The following RBMS3 variants were observed in gnomAD, a reference collection of about 807,000 sequenced individuals.
RBMS3 encodes the protein RNA-binding motif, single-stranded-interacting protein 3.
RBMS3 carries 27 observed loss-of-function variants against 66.8 expected under a neutral mutation model. The observed-to-expected ratio is 0.40, with a 90% CI of 0.30 to 0.56. The LOEUF is 0.56. RBMS3 is among the 20% of genes least tolerant of loss of function. The pLI is 0.40. For missense variants in RBMS3, 513 were observed against 549.5 expected (o/e 0.93, Z 0.66); for synonymous variants, 188 against 183.0 (o/e 1.03, Z -0.22).
intron 10 of RBMS3, among the ~76,000 whole-genome samples, chr3:29,900,841 C>T (rs572473254): frequency 2.0e-5 from 3 of 151,588 alleles, no homozygotes; most frequent in Non-Finnish European, 4.4e-5. Context: ...AATTTTAACC[C>T]CTTTAGAAGA....
At chr3:29,844,474 C>T (rs966744579) in intron 6 of RBMS3, among the ~76,000 whole-genome samples, 1 of 152,182 alleles carries the variant, frequency 6.6e-6, no homozygotes, top group African/African-American at 2.4e-5. Flanking sequence ...AATTTGGTCA[C>T]ATTTCCTGAT....
At chr3:29,470,244 A>G (rs191485382) in intron 2 of RBMS3, among the ~76,000 whole-genome samples, 10 of 152,066 alleles carry the variant, frequency 6.6e-5, no homozygotes, top group Admixed American at 5.9e-4. Flanking sequence ...CTGTTTTAAA[A>G]TTGCAATTTG....
At chr3:29,582,149 T>TATAGATAG (rs3836342) in intron 3 of RBMS3, among the ~76,000 whole-genome samples, 20,794 of 144,594 alleles carry the variant, frequency 0.14, 1,476 homozygotes, top group Middle Eastern at 0.16. Context: ...AGAATTCCAT[T>TATAGATAG]ATAGATAGAT....
chr3:29,669,286 G>A (rs1047822132), intron 4 of RBMS3, among the ~76,000 whole-genome samples: 2 of 152,076 alleles, frequency 1.3e-5, no homozygotes, highest in Admixed American at 6.6e-5. Flanking sequence ...TAAATCACAT[G>A]TCCTGAATCC....
intron 3 of RBMS3, among the ~76,000 whole-genome samples, chr3:29,509,698 C>T (rs752336233): frequency 6.6e-6 from 1 of 152,188 alleles, no homozygotes; most frequent in Non-Finnish European, 1.5e-5. Context: ...TCCTCTATAT[C>T]CCTTAATACA....
chr3:29,310,528 AT>A (rs2034308974), intron 1 of RBMS3, among the ~76,000 whole-genome samples: 1 of 150,668 alleles, frequency 6.6e-6, no homozygotes, highest in African/African-American at 2.4e-5. Flanking sequence ...TGAAGTTTTG[AT>A]TTTTAGTGAA....
chr3:29,703,913 C>A (rs1390544593), intron 4 of RBMS3, among the ~76,000 whole-genome samples: 1 of 152,282 alleles, frequency 6.6e-6, no homozygotes, highest in Non-Finnish European at 1.5e-5. Context: ...ATCGCCTGCA[C>A]TCCCTCCTGT....
intron 6 of RBMS3, among the ~76,000 whole-genome samples, chr3:29,769,780 A>C (rs1203300832): frequency 1.3e-5 from 2 of 151,918 alleles, no homozygotes; most frequent in Non-Finnish European, 2.9e-5. Context: ...TTTGCTTTTA[A>C]TGAACTTTCT....
intron 6 of RBMS3, among the ~76,000 whole-genome samples, chr3:29,782,663 T>A (rs202035826): frequency 6.6e-6 from 1 of 152,210 alleles, no homozygotes; most frequent in East Asian, 1.9e-4. Flanking sequence ...TCACCAGCAA[T>A]GAATCCAAAA....
chr3:29,382,484 T>A (rs745768259), intron 1 of RBMS3, among the ~76,000 whole-genome samples: 2 of 152,212 alleles, frequency 1.3e-5, no homozygotes, highest in African/African-American at 2.4e-5. Context: ...GTATTTAAAT[T>A]GCCTCACTTA....
chr3:29,922,258 C>T (rs1473548394), intron 10 of RBMS3, among the ~76,000 whole-genome samples: 1 of 151,768 alleles, frequency 6.6e-6, no homozygotes, highest in Non-Finnish European at 1.5e-5. Context: ...GAGGCCGAGG[C>T]GGGTGGATCA....
chr3:29,451,446 A>G (rs2042015372), intron 2 of RBMS3, among the ~76,000 whole-genome samples: 1 of 152,210 alleles, frequency 6.6e-6, no homozygotes, highest in Non-Finnish European at 1.5e-5. Flanking sequence ...TGGGGACATC[A>G]GGAAATGGTC....
At position 29,745,701 on chromosome 3, in the gene RBMS3, G is replaced by A. The variant is rs114755389; in HGVS notation, c.557+5824G>A. 6.9e-3 allele frequency among the ~76,000 whole-genome samples: 1,055 copies of A among 152,210 alleles called. 7 individuals are homozygous for A. The highest frequency in any genetic ancestry group is 0.024 in the African/African-American group (988 of 41,534). The stretch of plus-strand genomic sequence containing the variant: ...TTACTATCCCCTGGTGAGCTAAAGA[G>A]CGTGAGAGACCACTGAACAGAGAGA... On this transcript the variant is annotated intron_variant, in intron 5 of 14. Coordinates refer to ENST00000383767, the MANE Select transcript of RBMS3 (RefSeq NM_001003793.3).
At chr3:29,530,755 C>T (rs927227381) in intron 3 of RBMS3, among the ~76,000 whole-genome samples, 6 of 151,398 alleles carry the variant, frequency 4.0e-5, no homozygotes, top group Non-Finnish European at 8.8e-5. Flanking sequence ...GCCTGTAATC[C>T]CAGCTACTCG....
At chr3:29,434,705 G>C (rs748447199) in intron 1 of RBMS3, 38 bp from the exon 2 acceptor site, 1 of 1,592,360 alleles carries the variant, frequency 6.3e-7, no homozygotes, top group Non-Finnish European at 8.6e-7. Context: ...ATAGGTGCTG[G>C]CTTTTGTTTT....
chr3:29,862,235 G>T (rs1054693720), intron 6 of RBMS3, among the ~76,000 whole-genome samples: 4 of 152,122 alleles, frequency 2.6e-5, no homozygotes, highest in Admixed American at 2.0e-4. Context: ...GATATAGTTG[G>T]TCTGGAAACG....
intron 4 of RBMS3, among the ~76,000 whole-genome samples, chr3:29,684,170 C>A (rs1329222547): frequency 6.6e-6 from 1 of 152,134 alleles, no homozygotes; most frequent in Non-Finnish European, 1.5e-5. Flanking sequence ...ATACCCTAAA[C>A]AGTAATTTTA....
chr3:29,592,709 A>G (rs983401565), intron 4 of RBMS3, among the ~76,000 whole-genome samples: 1 of 152,092 alleles, frequency 6.6e-6, no homozygotes, highest in Admixed American at 6.6e-5. Context: ...ACATGCACAC[A>G]TATCTTTATT....
intron 6 of RBMS3, among the ~76,000 whole-genome samples, chr3:29,816,960 G>A (rs915355866): frequency 1.3e-5 from 2 of 151,964 alleles, no homozygotes; most frequent in African/African-American, 2.4e-5. Context: ...GCATGGTGGT[G>A]CACACCCGTA....
Sources: gnomAD v4.1 joint callset for allele counts (sites outside exome capture counted in the v4.1 genomes callset) on GRCh38, gnomAD v4.1.1 for gene constraint, MANE v1.5 for transcripts, NCBI Gene and HGNC (gene_info 2026-07-23, HGNC 2026-07-21) for gene names.